Variants in OTC observed in about 807,000 individuals in gnomAD.
The protein encoded by OTC is ornithine transcarbamylase, also known as ornithine transcarbamylase, mitochondrial.
Under a neutral mutation model 30.3 loss-of-function variants are expected in OTC, and 3 were observed. That is an observed-to-expected ratio of 0.10 (90% CI 0.05 to 0.26). The LOEUF is 0.26. Among genes scored for constraint, OTC ranks in the 10% least tolerant of loss-of-function variants. OTC has a pLI of 1.00. For synonymous variants in OTC, 111 were observed against 99.7 expected (o/e 1.11, Z -0.67); for missense variants, 194 against 260.3 (o/e 0.75, Z 1.75).
At chrX:38,353,094 T>C (rs1324545420) in intron 1 of OTC, among the ~76,000 whole-genome samples, 1 of 112,115 alleles carries the variant, frequency 8.9e-6, no homozygotes, top group Non-Finnish European at 1.9e-5. Context: ...CTTCAGCTTA[T>C]ATTTGGGCTT....
intron 1 of OTC, among the ~76,000 whole-genome samples, chrX:38,356,627 T>C (rs989543036): frequency 9.0e-6 from 1 of 111,273 alleles, no homozygotes; most frequent in South Asian, 3.8e-4. Context: ...CACCCTGTCC[T>C]CCCAGTGTGC....
At chrX:38,394,894 G>GA (rs36049100) in intron 4 of OTC, among the ~76,000 whole-genome samples, 29,406 of 108,073 alleles carry the variant, frequency 0.27, 3,427 homozygotes, top group African/African-American at 0.42. Flanking sequence ...AGTAGTTTCT[G>GA]GGGGGGGGCA....
At chrX:38,397,775 C>A (rs185243438) in intron 4 of OTC, among the ~76,000 whole-genome samples, 2 of 111,405 alleles carry the variant, frequency 1.8e-5, no homozygotes, top group South Asian at 3.8e-4. Context: ...TCTCTCACTC[C>A]GTTTTCTAGG....
rs184859662 is a variant in OTC, at chrX:38,386,482, C to A, written c.386+5053C>A. Among the ~76,000 whole-genome samples the A allele has an allele frequency of 5.5e-4, 61 of 110,538 alleles. No homozygotes were observed. In the East Asian group the frequency reaches 0.016, roughly 29 times the overall value. ...ATTGCCCCCCACCTCCAACCCCTGG[C>A]AACCACCATTCTACTTTCTCCTTTT... On this transcript the variant is annotated intron_variant, in intron 4 of 9. Coordinates refer to ENST00000039007, the MANE Select transcript of OTC (RefSeq NM_000531.6).
chrX:38,349,943 C>T (rs1412898422), upstream of OTC, among the ~76,000 whole-genome samples: 1 of 111,447 alleles, frequency 9.0e-6, no homozygotes, highest in East Asian at 2.8e-4. Context: ...TTGTTTTTAC[C>T]CTACACACTC....
chrX:38,414,036 A>G (rs953616505), intron 9 of OTC, among the ~76,000 whole-genome samples: 1 of 111,583 alleles, frequency 9.0e-6, no homozygotes, highest in Non-Finnish European at 1.9e-5. Context: ...CATTTTGAGT[A>G]GCAAAGATCT....
At chrX:38,393,608 G>A (rs1177783226) in intron 4 of OTC, among the ~76,000 whole-genome samples, 1 of 111,868 alleles carries the variant, frequency 8.9e-6, no homozygotes, top group Non-Finnish European at 1.9e-5. Flanking sequence ...CTTAATTTTG[G>A]TTGGTTAGTG....
At chrX:38,344,132 C>T in the OTC span, among the ~76,000 whole-genome samples, 3 of 109,187 alleles carry the variant, frequency 2.7e-5, no homozygotes, top group Admixed American at 2.0e-4. Flanking sequence ...GGTGACAGAG[C>T]GAGACTCTGT....
intron 1 of OTC, among the ~76,000 whole-genome samples, chrX:38,357,088 G>A (rs2068245881): frequency 9.0e-6 from 1 of 111,511 alleles, no homozygotes; most frequent in African/African-American, 3.3e-5. Flanking sequence ...CTTCATGAGT[G>A]TGGGGGAAGA....
intron 3 of OTC, among the ~76,000 whole-genome samples, chrX:38,379,174 A>G (rs755760440): frequency 9.0e-6 from 1 of 111,633 alleles, no homozygotes; most frequent in Non-Finnish European, 1.9e-5. Context: ...TTTGCAAGGG[A>G]TCTTACAACT....
chrX:38,418,843 G>T (rs781512032), intron 9 of OTC, among the ~76,000 whole-genome samples: 3 of 112,149 alleles, frequency 2.7e-5, no homozygotes, highest in East Asian at 5.6e-4. Context: ...CATTGGAACT[G>T]TGAGTCCATT....
the OTC span, among the ~76,000 whole-genome samples, chrX:38,345,362 C>T: frequency 2.4e-4 from 27 of 110,685 alleles, no homozygotes; most frequent in African/African-American, 8.6e-4. Context: ...TCCTTCCTGC[C>T]TGGGGACTAG....
At chrX:38,333,745 G>A in the OTC span, among the ~76,000 whole-genome samples, 2 of 112,319 alleles carry the variant, frequency 1.8e-5, no homozygotes, top group African/African-American at 6.5e-5. Context: ...AACGTCCAAG[G>A]CTTGCAATTT....
At chrX:38,419,442 CATTA>C (rs1195426807) in intron 9 of OTC, among the ~76,000 whole-genome samples, 4 of 110,595 alleles carry the variant, frequency 3.6e-5, no homozygotes, top group African/African-American at 9.9e-5. Context: ...GACATTTTTA[CATTA>C]ATTCTTTCAA....
At chrX:38,363,062 C>G (rs899039581) in intron 1 of OTC, among the ~76,000 whole-genome samples, 6 of 111,679 alleles carry the variant, frequency 5.4e-5, no homozygotes, top group African/African-American at 2.0e-4. Flanking sequence ...ATATTGAATC[C>G]TTTAAGTATA....
Position 38,413,937 on chromosome X carries a change from G to A in OTC, c.1005+1938G>A, listed in dbSNP as rs1292314778. On this transcript the variant is annotated intron_variant, in intron 9 of 9. Coordinates refer to ENST00000039007, the MANE Select transcript of OTC (RefSeq NM_000531.6). ...GATCCACCCACCTCAGCCTCGAAAA[G>A]CACTGGGATTACAGGCGTGAGCCAC... 3.6e-5 allele frequency among the ~76,000 whole-genome samples: 4 copies of A among 109,948 alleles called. No individual in the cohort carries two copies. The East Asian group carries it at 1.1e-3, about 32-fold the overall frequency.
rs2068375534 is a variant in OTC, at chrX:38,381,364, T to A, written c.321T>A (p.His107Gln). The change falls in exon 4 of 10, where the codon CAT becomes CAA. Residue 107 changes from histidine (H) to glutamine (Q), a missense_variant. Physicochemically the swap from His to Gln is conservative, Grantham distance 24. Coordinates refer to ENST00000039007, the MANE Select transcript of OTC (RefSeq NM_000531.6). ...TAGGCTTTGCACTTCTGGGAGGACA[T>A]CCTTGTTTTCTTACCACACAAGATA... Reference protein sequence around the residue: ...TETGFALLGGHPCFLTTQDIH... With the variant: ...TETGFALLGGQPCFLTTQDIH... 2.5e-6 allele frequency: 3 copies of A among 1,196,281 alleles called. No individual in the cohort carries two copies. Among genetic ancestry groups the A allele is most frequent in the African/African-American group, 1.7e-5 (1 of 57,566 alleles).
the OTC span, among the ~76,000 whole-genome samples, chrX:38,343,404 A>G: frequency 8.9e-6 from 1 of 112,190 alleles, no homozygotes; most frequent in Non-Finnish European, 1.9e-5. Flanking sequence ...AATTGGAATC[A>G]GCCTATGGGA....
At chrX:38,357,143 T>A (rs2068246131) in intron 1 of OTC, among the ~76,000 whole-genome samples, 1 of 111,903 alleles carries the variant, frequency 8.9e-6, no homozygotes, top group Non-Finnish European at 1.9e-5. Flanking sequence ...TATTAAATTT[T>A]CAGGTGAAGA....
Sources: allele counts gnomAD v4.1 joint callset (sites outside exome capture counted in the v4.1 genomes callset), GRCh38; gene constraint gnomAD v4.1.1; transcripts MANE v1.5; gene names NCBI Gene and HGNC (gene_info 2026-07-23, HGNC 2026-07-21).